Variants in CACNA2D1 observed in about 807,000 individuals in gnomAD.
CACNA2D1 encodes calcium voltage-gated channel auxiliary subunit alpha2delta 1, also known as voltage-dependent calcium channel subunit alpha-2/delta-1.
Under a neutral mutation model 171.5 loss-of-function variants are expected in CACNA2D1, and 53 were observed. The ratio of observed to expected loss-of-function variants is 0.31; its 90% CI spans 0.25 to 0.39. CACNA2D1 has a LOEUF of 0.39. Among genes scored for constraint, CACNA2D1 ranks in the 10% least tolerant of loss-of-function variants. CACNA2D1 has a pLI of 1.00. For missense variants in CACNA2D1, 903 were observed against 1,299.8 expected (o/e 0.69, Z 4.69); for synonymous variants, 442 against 443.1 (o/e 1.00, Z 0.03).
At chr7:82,105,129 T>C (rs80178449) in intron 6 of CACNA2D1, among the ~76,000 whole-genome samples, 1,569 of 152,174 alleles carry the variant, frequency 0.01, 31 homozygotes, top group African/African-American at 0.036. Context: ...TAAAAAACTG[T>C]TACTGAAGGT....
At chr7:82,387,383 T>C (rs1404567857) in intron 1 of CACNA2D1, among the ~76,000 whole-genome samples, 1 of 152,218 alleles carries the variant, frequency 6.6e-6, no homozygotes, top group Non-Finnish European at 1.5e-5. Flanking sequence ...CTGTTCTTTA[T>C]GTGAAAGTTA....
At chr7:82,071,553 G>A (rs1029836142) in intron 7 of CACNA2D1, among the ~76,000 whole-genome samples, 2 of 152,140 alleles carry the variant, frequency 1.3e-5, no homozygotes, top group Non-Finnish European at 2.9e-5. Context: ...AGAGAACTGC[G>A]TGTGACCCAG....
At chr7:82,442,538 C>T (rs1054919532) in intron 1 of CACNA2D1, among the ~76,000 whole-genome samples, 3 of 152,158 alleles carry the variant, frequency 2.0e-5, no homozygotes, top group African/African-American at 7.2e-5. Context: ...ATTTTTCATT[C>T]CCTTCCTGTG....
chr7:82,314,286 T>G (rs1814822961), intron 3 of CACNA2D1, among the ~76,000 whole-genome samples: 1 of 152,188 alleles, frequency 6.6e-6, no homozygotes, highest in Admixed American at 6.5e-5. Flanking sequence ...CATTAAGTTT[T>G]TATAGACACT....
chr7:82,340,259 A>G (rs1258279752), intron 2 of CACNA2D1, among the ~76,000 whole-genome samples: 1 of 152,072 alleles, frequency 6.6e-6, no homozygotes, highest in Admixed American at 6.5e-5. Context: ...TCCTCTGACC[A>G]AACTATTTTC....
At chr7:82,393,641 C>G (rs1442537477) in intron 1 of CACNA2D1, among the ~76,000 whole-genome samples, 1 of 152,104 alleles carries the variant, frequency 6.6e-6, no homozygotes, top group Non-Finnish European at 1.5e-5. Context: ...AAATATCTGT[C>G]CCTACCAGTG....
rs370516065 is a variant in CACNA2D1 at position 82,111,445 on chromosome 7, T to TATATATA, written c.526+5598_526+5599insTATATAT. On this transcript the variant is annotated intron_variant, in intron 6 of 38. Transcript: ENST00000356860. ...ATATGTGTGTATATATATATATATA[T>TATATATA]TTTTTTTTTTTTTTTTTTTTGAGAC... Among the ~76,000 whole-genome samples, 341 of 49,080 alleles carry TATATATA rather than the reference T, an allele frequency of 6.9e-3. 13 individuals carry two copies. Among genetic ancestry groups the TATATATA allele is most frequent in the African/African-American group, 0.022 (300 of 13,440 alleles). The allele number at this position is 49,080 out of a possible 152,430, so 32.2% of individuals were successfully genotyped here.
chr7:81,978,027 C>T (rs1415745160), intron 24 of CACNA2D1, among the ~76,000 whole-genome samples: 1 of 152,114 alleles, frequency 6.6e-6, no homozygotes, highest in Non-Finnish European at 1.5e-5. Flanking sequence ...CAAATCAAAA[C>T]CACAATGAGA....
At chr7:82,300,543 T>G (rs1482292656) in intron 3 of CACNA2D1, among the ~76,000 whole-genome samples, 1 of 152,188 alleles carries the variant, frequency 6.6e-6, no homozygotes, top group African/African-American at 2.4e-5. Flanking sequence ...TTGCTATATT[T>G]GCTACCGTAA....
chr7:82,017,428 T>C (rs1800634164), intron 12 of CACNA2D1, among the ~76,000 whole-genome samples: 1 of 152,166 alleles, frequency 6.6e-6, no homozygotes, highest in Non-Finnish European at 1.5e-5. Flanking sequence ...GTATAGTGCA[T>C]ATAAATAATG....
rs1470560971 is a variant in CACNA2D1, at chr7:82,213,086, A to G, written c.295-42477T>C. Among the ~76,000 whole-genome samples the G allele has an allele frequency of 2.6e-5, 4 of 152,078 alleles. No homozygotes were observed. The East Asian group carries it at 7.7e-4, about 29-fold the overall frequency. Reference sequence around the variant, plus strand: ...TGCTAATTTTTTGTATTTTTAGTAGAGACGGGGTTTCACCATGTTGACCAG... The same window carrying G: ...TGCTAATTTTTTGTATTTTTAGTAGGGACGGGGTTTCACCATGTTGACCAG... On this transcript the variant is annotated intron_variant, in intron 3 of 38. Transcript: ENST00000356860.
chr7:82,355,422 G>A (rs1820311272), intron 1 of CACNA2D1, among the ~76,000 whole-genome samples: 1 of 152,122 alleles, frequency 6.6e-6, no homozygotes. Context: ...TATATTCCCT[G>A]ACTTCAAGTC....
chr7:82,079,888 CATA>C (rs1400055257), intron 7 of CACNA2D1, among the ~76,000 whole-genome samples: 1 of 151,634 alleles, frequency 6.6e-6, no homozygotes, highest in African/African-American at 2.4e-5. Flanking sequence ...ATATATAGAC[CATA>C]ATAATAACTA....
At chr7:82,395,199 A>T (rs1259289360) in intron 1 of CACNA2D1, among the ~76,000 whole-genome samples, 2 of 25,210 alleles carry the variant, frequency 7.9e-5, no homozygotes, top group East Asian at 1.2e-3. Context: ...ACATCAAATT[A>T]AAAAAAAAAC....
intron 1 of CACNA2D1, among the ~76,000 whole-genome samples, chr7:82,357,488 T>C (rs1183256969): frequency 1.3e-5 from 2 of 152,106 alleles, no homozygotes; most frequent in African/African-American, 2.4e-5. Context: ...ATTGTTATAA[T>C]AGGTCCTATC....
intron 3 of CACNA2D1, among the ~76,000 whole-genome samples, chr7:82,185,421 T>C (rs1006375905): frequency 1.4e-5 from 2 of 140,292 alleles, no homozygotes; most frequent in Admixed American, 1.4e-4. Context: ...TTACTATCAA[T>C]AAGAAAAATA....
chr7:82,030,079 T>A (rs1417796908), intron 12 of CACNA2D1: 1 of 151,866 alleles, frequency 6.6e-6, no homozygotes, highest in African/African-American at 2.4e-5. Context: ...AATCTTTTTA[T>A]CATGTGGTTT....
chr7:82,253,437 T>C (rs1230298853), intron 3 of CACNA2D1, among the ~76,000 whole-genome samples: 1 of 152,216 alleles, frequency 6.6e-6, no homozygotes, highest in African/African-American at 2.4e-5. Flanking sequence ...ATTGTCATAC[T>C]GCATGTATCA....
intron 8 of CACNA2D1, among the ~76,000 whole-genome samples, chr7:82,064,976 T>C (rs1807423746): frequency 6.6e-6 from 1 of 152,068 alleles, no homozygotes; most frequent in South Asian, 2.1e-4. Context: ...CTAGAAGAGA[T>C]TTATGCAGAT....
Sources: gnomAD v4.1 joint callset for allele counts (sites outside exome capture counted in the v4.1 genomes callset) on GRCh38, gnomAD v4.1.1 for gene constraint, MANE v1.5 for transcripts, NCBI Gene and HGNC (gene_info 2026-07-23, HGNC 2026-07-21) for gene names.